Variants in TPST2 observed in about 807,000 individuals in gnomAD.
TPST2 encodes protein-tyrosine sulfotransferase 2.
In TPST2, 16 loss-of-function variants were observed where a neutral mutation model predicts 27.8. The observed-to-expected ratio is 0.58, with a 90% CI of 0.39 to 0.88. The LOEUF is 0.88. Among genes scored for constraint, TPST2 ranks in the 40% least tolerant of loss-of-function variants. TPST2 has a pLI of 0.00. For synonymous variants in TPST2, 229 were observed against 231.7 expected, an observed-to-expected ratio of 0.99 and a Z score of 0.10; for missense variants, 464 against 543.1, an observed-to-expected ratio of 0.85 and a Z score of 1.45.
At chr22:26,589,015 G>A (rs978694478) in intron 1 of TPST2, among the ~76,000 whole-genome samples, 3 of 152,148 alleles carry the variant, frequency 2.0e-5, no homozygotes, top group Admixed American at 6.5e-5. Flanking sequence ...AAGGCTTCCC[G>A]GAGGAGGTGC....
At chr22:26,589,050 AAGTAGG>A (rs1380590613) in intron 1 of TPST2, among the ~76,000 whole-genome samples, 2 of 152,086 alleles carry the variant, frequency 1.3e-5, no homozygotes, top group East Asian at 3.9e-4. Context: ...TCTGTAGGAT[AAGTAGG>A]AGTTCAACAG....
At chr22:26,584,554 A>C (rs1172765649) in intron 1 of TPST2, among the ~76,000 whole-genome samples, 1 of 152,186 alleles carries the variant, frequency 6.6e-6, no homozygotes, top group Non-Finnish European at 1.5e-5. Flanking sequence ...TAACCCCAGC[A>C]CTTGAGAGGC....
intron 2 of TPST2, 39 bp downstream of exon 2, chr22:26,544,565 G>C: frequency 2.0e-6 from 2 of 980,446 alleles, no homozygotes; most frequent in Non-Finnish European, 2.4e-6. Context: ...CTCAGGAGGG[G>C]CCAGGACTCC....
chr22:26,577,228 G>C (rs575933657), intron 1 of TPST2, among the ~76,000 whole-genome samples: 6 of 145,434 alleles, frequency 4.1e-5, no homozygotes, highest in Admixed American at 2.8e-4. Flanking sequence ...TCATGCCACC[G>C]CAATCCAGCC....
chr22:26,522,021 A>G lies in TPST2; in HGVS notation c.*4254T>C, dbSNP rs551398771. ...TTGGTTCATCACAACCTTTTATTTC[A>G]CAATATTAATAGTAATCATTATAGC... On this transcript the variant is annotated 3_prime_UTR_variant, in exon 7 of 7. Coordinates refer to ENST00000338754, the MANE Select transcript of TPST2 (RefSeq NM_003595.5). 6.6e-6 allele frequency: 1 copy of G among 152,292 alleles called. No homozygotes were observed. Among genetic ancestry groups the G allele is most frequent in the South Asian group, 2.1e-4 (1 of 4,816 alleles). The allele number at this position is 152,292 out of a possible 1,614,324, so 9.4% of individuals were successfully genotyped here.
intron 1 of TPST2, among the ~76,000 whole-genome samples, chr22:26,576,360 G>C (rs1313500593): frequency 2.6e-5 from 4 of 152,164 alleles, no homozygotes; most frequent in South Asian, 2.1e-4. Flanking sequence ...AGGAGCCTGA[G>C]GGTCAGCACA....
intron 5 of TPST2, among the ~76,000 whole-genome samples, chr22:26,532,274 C>A (rs1248620030): frequency 6.6e-6 from 1 of 152,088 alleles, no homozygotes; most frequent in Non-Finnish European, 1.5e-5. Flanking sequence ...TCCCCACAGC[C>A]CTTTATTTTT....
chr22:26,577,753 G>C (rs1927915091), intron 1 of TPST2, among the ~76,000 whole-genome samples: 1 of 148,522 alleles, frequency 6.7e-6, no homozygotes, highest in Non-Finnish European at 1.5e-5. Flanking sequence ...CCATCTCCCA[G>C]GTTCAAGTGA....
At chr22:26,549,901 G>C (rs547266641) in intron 1 of TPST2, among the ~76,000 whole-genome samples, 1 of 149,654 alleles carries the variant, frequency 6.7e-6, no homozygotes, top group Admixed American at 6.7e-5. Flanking sequence ...AGCCGGGTGT[G>C]GGGGATCGCG....
intron 1 of TPST2, among the ~76,000 whole-genome samples, chr22:26,583,840 CA>C (rs778357820): frequency 0.022 from 3,158 of 143,938 alleles, 106 homozygotes; most frequent in African/African-American, 0.074. Flanking sequence ...GACTTCGTCT[CA>C]AAAAAAAAAA....
At chr22:26,533,606 T>C (rs1925284205) in intron 4 of TPST2, among the ~76,000 whole-genome samples, 1 of 152,148 alleles carries the variant, frequency 6.6e-6, no homozygotes, top group African/African-American at 2.4e-5. Context: ...AGTAGTCACA[T>C]TTTAAAATAA....
intron 5 of TPST2, among the ~76,000 whole-genome samples, chr22:26,532,133 A>G (rs998766890): frequency 2.6e-5 from 4 of 151,984 alleles, no homozygotes; most frequent in African/African-American, 9.7e-5. Context: ...GCCCAAGAAA[A>G]AGTCCCCACG....
intron 1 of TPST2, among the ~76,000 whole-genome samples, chr22:26,553,723 C>T (rs1464522788): frequency 6.6e-6 from 1 of 152,092 alleles, no homozygotes; most frequent in Non-Finnish European, 1.5e-5. Flanking sequence ...CCCTCGAATA[C>T]CAGTATACAT....
At chr22:26,534,110 C>A (rs1465518429) in intron 4 of TPST2, among the ~76,000 whole-genome samples, 1 of 152,248 alleles carries the variant, frequency 6.6e-6, no homozygotes, top group East Asian at 1.9e-4. Context: ...TTTGGACTAG[C>A]CTCCTGTTAC....
chr22:26,550,888 A>C (rs1926434102), intron 1 of TPST2, among the ~76,000 whole-genome samples: 2 of 152,180 alleles, frequency 1.3e-5, no homozygotes, highest in Admixed American at 1.3e-4. Flanking sequence ...AGGGAAAAAT[A>C]ATTCTGAAGC....
At chr22:26,555,189 T>C (rs1569187526) in intron 1 of TPST2, 1 of 533,800 alleles carries the variant, frequency 1.9e-6, no homozygotes, top group Non-Finnish European at 3.8e-6. Context: ...TTGCTCCCTC[T>C]CTGTGAAACA....
At chr22:26,589,869 C>T (rs1260379134) in intron 1 of TPST2, among the ~76,000 whole-genome samples, 184 bp downstream of exon 1, 1 of 151,986 alleles carries the variant, frequency 6.6e-6, no homozygotes, top group Non-Finnish European at 1.5e-5. Context: ...AACCGCGCGC[C>T]CGCGCCGCCT....
intron 3 of TPST2, among the ~76,000 whole-genome samples, chr22:26,539,258 C>T (rs1925658601): frequency 1.3e-5 from 2 of 152,170 alleles, no homozygotes; most frequent in African/African-American, 2.4e-5. Flanking sequence ...AAGGACCACC[C>T]TTTCACTGAG....
chr22:26,581,899 T>C (rs1412448495), intron 1 of TPST2, among the ~76,000 whole-genome samples: 1 of 152,232 alleles, frequency 6.6e-6, no homozygotes, highest in Non-Finnish European at 1.5e-5. Flanking sequence ...TCTGCTTTTG[T>C]TACACAACAG....
Sources: allele counts gnomAD v4.1 joint callset (sites outside exome capture counted in the v4.1 genomes callset), GRCh38; gene constraint gnomAD v4.1.1; transcripts MANE v1.5; gene names NCBI Gene and HGNC (gene_info 2026-07-23, HGNC 2026-07-21).